Variants in PLEKHH1 observed in about 807,000 individuals in gnomAD.
PLEKHH1 encodes pleckstrin homology domain-containing family H member 1.
A neutral mutation model predicts 160.0 loss-of-function variants in PLEKHH1; 104 were observed. That is an observed-to-expected ratio of 0.65 (90% CI 0.55 to 0.76). The LOEUF (loss-of-function observed/expected upper bound fraction) is 0.76. Among genes scored for constraint, PLEKHH1 ranks in the 30% least tolerant of loss-of-function variants. PLEKHH1 has a pLI of 0.00. For synonymous variants in PLEKHH1, 619 were observed against 678.4 expected (o/e 0.91, Z 1.36); for missense variants, 1,427 against 1,724.1 (o/e 0.83, Z 3.05).
intron 3 of PLEKHH1, among the ~76,000 whole-genome samples, chr14:67,556,922 C>G (rs2034618135): frequency 6.6e-6 from 1 of 152,102 alleles, no homozygotes. Context: ...GACAGTTGCT[C>G]TCCTAGGCTG....
At chr14:67,561,886 A>AT in intron 5 of PLEKHH1, 68 bp from the exon 6 acceptor site, 23 of 1,108,246 alleles carry the variant, frequency 2.1e-5, no homozygotes, top group African/African-American at 4.8e-5. Flanking sequence ...AAAAAAAAAA[A>AT]GAATTGAAAA....
rs772325314 is a variant in PLEKHH1 at position 67,573,329 on chromosome 14, G to A, written c.1782G>A (p.Thr594=). The change falls in exon 12 of 29, where the codon ACG becomes ACA. Residue 594 remains threonine (T), a synonymous_variant. Transcript: ENST00000329153. The surrounding 1 kb of genome is among the most constrained non-coding windows in gnomAD (Gnocchi z 4.8). ...YLLKMGSQVK[T]WKRRWFVLRQ... ...TGAAAATGGGGAGCCAGGTGAAGAC[G>A]TGGAAGAGGCGCTGGTTTGTCCTGA... 6.8e-6 allele frequency: 11 copies of A among 1,613,800 alleles called. No homozygotes were observed. Among genetic ancestry groups the A allele is most frequent in the Admixed American group, 5.0e-5 (3 of 60,030 alleles).
In PLEKHH1 at chr14:67,581,005, G is replaced by A; in HGVS notation, c.3251G>A (p.Gly1084Glu). ...KELHPGKSEG[G>E]TRVVKLMYKN... is the part of the protein sequence containing the mutation. ...CTGCACCCCGGAAAGTCTGAGGGTG[G>A]GACACGCGTCGTGAAGCTGATGTAC... Residue 1084 changes from glycine (G) to glutamate (E), a missense_variant, in exon 23 of 29, where the codon GGG becomes GAG. Physicochemically the swap from Gly to Glu is moderately conservative, Grantham distance 98 (BLOSUM62 -2). This residue lies in a region of PLEKHH1 where 436 missense variants were observed against 607.5 expected (regional missense o/e 0.72). Coordinates refer to ENST00000329153, the MANE Select transcript of PLEKHH1 (RefSeq NM_020715.3). The A allele has an allele frequency of 6.2e-7, 1 of 1,613,092 alleles. No homozygotes were observed. The highest frequency in any genetic ancestry group is 8.5e-7 in the Non-Finnish European group (1 of 1,179,084).
intron 7 of PLEKHH1, 32 bp downstream of exon 7, chr14:67,562,926 G>GC: frequency 6.3e-7 from 1 of 1,594,904 alleles, no homozygotes; most frequent in Non-Finnish European, 8.5e-7. Context: ...GGGCAGAGGA[G>GC]CAGAGCTAAT....
At chr14:67,555,741 G>A in intron 2 of PLEKHH1, 84 bp from the exon 3 acceptor site, 1 of 1,563,708 alleles carries the variant, frequency 6.4e-7, no homozygotes, top group Non-Finnish European at 8.7e-7. Context: ...TGCAGTGTGT[G>A]CACAGTTCTC....
chr14:67,578,913 G>A lies in PLEKHH1; in HGVS notation c.2850-221G>A. Among the ~76,000 whole-genome samples, 1 of 152,226 alleles carries A rather than the reference G, an allele frequency of 6.6e-6. No individual in the cohort carries two copies. Among genetic ancestry groups the A allele is most frequent in the Admixed American group, 6.5e-5 (1 of 15,282 alleles). On this transcript the variant is annotated intron_variant, in intron 20 of 28. Transcript: ENST00000329153. The surrounding 1 kb of genome is among the most constrained non-coding windows in gnomAD (Gnocchi z 5.0). The stretch of plus-strand genomic sequence containing the variant: ...AACTGTCCCCAAGTGCTATTCTGTT[G>A]TTATGTCCTCTGGGTTCTAGAAGAA...
rs928734802 is a variant in PLEKHH1 at position 67,589,292 on chromosome 14, C to G, written c.*2057C>G. The G allele has an allele frequency of 2.1e-6, 2 of 950,946 alleles. No homozygotes were observed. The highest frequency in any genetic ancestry group is 3.5e-5 in the African/African-American group (2 of 56,582). 58.9% of individuals were successfully genotyped at this position (950,946 alleles called of 1,614,324 possible). ...GTTTATTAATCTTATACAGAAGAAA[C>G]TAACTTAGAAACAAAGGATTCAATA... On this transcript the variant is annotated 3_prime_UTR_variant, in exon 29 of 29. Transcript: ENST00000329153.
intron 1 of PLEKHH1, among the ~76,000 whole-genome samples, chr14:67,540,530 G>A (rs1328300260): frequency 6.6e-6 from 1 of 151,716 alleles, no homozygotes; most frequent in African/African-American, 2.4e-5. Context: ...GGAGGCTGAG[G>A]CATGAGAATC....
chr14:67,537,039 CAAT>C (rs1026597989), intron 1 of PLEKHH1, among the ~76,000 whole-genome samples: 1 of 147,280 alleles, frequency 6.8e-6, no homozygotes, highest in Non-Finnish European at 1.5e-5. Flanking sequence ...GACTCCATCT[CAAT>C]AATAATAATA....
At chr14:67,571,462 GC>G (rs1385923676) in intron 9 of PLEKHH1, 2 of 338,906 alleles carry the variant, frequency 5.9e-6, no homozygotes, top group Non-Finnish European at 1.1e-5. Flanking sequence ...TAGCTTTCTG[GC>G]CCCCTAGTGG....
chr14:67,586,849 A>C (rs1204197137), intron 28 of PLEKHH1: 7 of 1,500,962 alleles, frequency 4.7e-6, no homozygotes, highest in Non-Finnish European at 5.3e-6. Context: ...TTTTCTCAGA[A>C]GGGCACTGTG....
chr14:67,543,195 C>T (rs1247667057), intron 2 of PLEKHH1, among the ~76,000 whole-genome samples: 1 of 152,188 alleles, frequency 6.6e-6, no homozygotes, highest in Non-Finnish European at 1.5e-5. Context: ...TCACACCTCT[C>T]CAAAGAATGT....
At chr14:67,542,803 C>T (rs2140331556) in intron 2 of PLEKHH1, among the ~76,000 whole-genome samples, 1 of 152,272 alleles carries the variant, frequency 6.6e-6, no homozygotes, top group African/African-American at 2.4e-5. Context: ...TGGGCTCAAG[C>T]GATTCTCCTG....
intron 7 of PLEKHH1, among the ~76,000 whole-genome samples, chr14:67,563,128 C>G (rs979715688): frequency 5.3e-5 from 8 of 152,204 alleles, no homozygotes; most frequent in Non-Finnish European, 8.8e-5. Flanking sequence ...CACCGTGCAC[C>G]ATACATTGAG....
chr14:67,539,169 A>G (rs2033865530), intron 1 of PLEKHH1, among the ~76,000 whole-genome samples: 1 of 152,212 alleles, frequency 6.6e-6, no homozygotes. Flanking sequence ...AAATCCCAGT[A>G]AAGGACAAGG....
intron 17 of PLEKHH1, among the ~76,000 whole-genome samples, chr14:67,577,065 A>C (rs1252968698): frequency 6.6e-6 from 1 of 152,018 alleles, no homozygotes; most frequent in African/African-American, 2.4e-5. Flanking sequence ...GACACCCACA[A>C]CCTTGCACAC....
intron 23 of PLEKHH1, chr14:67,581,438 A>ATCACTTAAACCTGGGAGGT (rs1314737927): frequency 1.1e-5 from 2 of 176,448 alleles, no homozygotes; most frequent in African/African-American, 4.7e-5. Context: ...AGGTGGGAGG[A>ATCACTTAAACCTGGGAGGT]TCACTTAAAC....
At chr14:67,554,025 G>C (rs533000536) in intron 2 of PLEKHH1, among the ~76,000 whole-genome samples, 55 of 152,314 alleles carry the variant, frequency 3.6e-4, no homozygotes, top group Non-Finnish European at 6.5e-4. Context: ...TGTAAGTCTT[G>C]AGTTTTACTT....
chr14:67,538,750 G>C (rs2033846066), intron 1 of PLEKHH1, among the ~76,000 whole-genome samples: 1 of 152,128 alleles, frequency 6.6e-6, no homozygotes. Flanking sequence ...GCCAGGGAGA[G>C]GGTGGTTAAT....
Sources: gnomAD v4.1 joint callset for allele counts (sites outside exome capture counted in the v4.1 genomes callset) on GRCh38, gnomAD v4.1.1 for gene constraint, gnomAD v4.1.1 regional missense constraint, Gnocchi (gnomAD v3.1) non-coding constraint, MANE v1.5 for transcripts, NCBI Gene and HGNC (gene_info 2026-07-23, HGNC 2026-07-21) for gene names.